The following FER variants were observed in gnomAD, a reference collection of about 807,000 sequenced individuals.
The protein encoded by FER is FER tyrosine kinase.
In FER, 63 loss-of-function variants were observed where a neutral mutation model predicts 111.0. The observed-to-expected ratio is 0.57, with a 90% CI of 0.46 to 0.70. The LOEUF (loss-of-function observed/expected upper bound fraction) is 0.70, where lower values mean the gene tolerates loss of function less well. Among genes scored for constraint, FER ranks in the 30% least tolerant of loss-of-function variants. FER has a pLI of 0.00. For missense variants in FER, 914 were observed against 954.0 expected (o/e 0.96, Z 0.55); for synonymous variants, 327 against 313.9 (o/e 1.04, Z -0.44).
intron 17 of FER, among the ~76,000 whole-genome samples, chr5:109,113,436 T>A (rs1283198852): frequency 6.6e-6 from 1 of 152,188 alleles, no homozygotes; most frequent in African/African-American, 2.4e-5. Context: ...TTATTTTATA[T>A]TACTGGATGA....
At chr5:109,113,846 C>A (rs1341886605) in intron 17 of FER, among the ~76,000 whole-genome samples, 1 of 151,808 alleles carries the variant, frequency 6.6e-6, no homozygotes. Flanking sequence ...AGTAAATTTC[C>A]CTAATTTGCT....
At chr5:108,785,708 T>G (rs568921028) in intron 2 of FER, among the ~76,000 whole-genome samples, 1 of 152,356 alleles carries the variant, frequency 6.6e-6, no homozygotes, top group African/African-American at 2.4e-5. Context: ...GTGTCTGGCT[T>G]CCTTGATATT....
intron 17 of FER, among the ~76,000 whole-genome samples, chr5:109,140,554 T>C (rs1476830510): frequency 6.6e-6 from 1 of 152,210 alleles, no homozygotes; most frequent in Non-Finnish European, 1.5e-5. Context: ...AAGCTATTAA[T>C]GACTTTTAAG....
At chr5:108,910,464 T>TA (rs1206636816) in intron 10 of FER, among the ~76,000 whole-genome samples, 8 of 151,748 alleles carry the variant, frequency 5.3e-5, no homozygotes, top group East Asian at 3.9e-4. Flanking sequence ...TTACTTTTTT[T>TA]AAAAAAAAGG....
At chr5:108,878,483 C>CTT (rs11374620) in intron 8 of FER, among the ~76,000 whole-genome samples, 1 of 151,702 alleles carries the variant, frequency 6.6e-6, no homozygotes, top group African/African-American at 2.4e-5. Flanking sequence ...GCATCATCTT[C>CTT]TTTTTTTTAA....
chr5:108,925,671 T>C (rs540808669), intron 10 of FER, among the ~76,000 whole-genome samples: 1 of 152,244 alleles, frequency 6.6e-6, no homozygotes, highest in African/African-American at 2.4e-5. Context: ...AAAGTTTATG[T>C]ATTTTCTTTA....
intron 17 of FER, among the ~76,000 whole-genome samples, chr5:109,147,780 CATATATAT>C (rs145167406): frequency 0.097 from 13,635 of 140,090 alleles, 692 homozygotes; most frequent in Non-Finnish European, 0.12. Context: ...CACACACATA[CATATATAT>C]ATATATATAT....
intron 10 of FER, among the ~76,000 whole-genome samples, chr5:108,935,143 A>T (rs1272726262): frequency 6.6e-6 from 1 of 152,080 alleles, no homozygotes; most frequent in Non-Finnish European, 1.5e-5. Context: ...TCCATAAAAA[A>T]TTACCACAAA....
At chr5:109,114,458 A>T (rs939662253) in intron 17 of FER, among the ~76,000 whole-genome samples, 2 of 152,052 alleles carry the variant, frequency 1.3e-5, no homozygotes, top group African/African-American at 4.8e-5. Context: ...GAAGCTATCT[A>T]TAATCATGCA....
chr5:109,115,083 GTTATC>G (rs1460041581), intron 17 of FER, among the ~76,000 whole-genome samples: 1 of 151,956 alleles, frequency 6.6e-6, no homozygotes, highest in African/African-American at 2.4e-5. Context: ...ATTCTTGACT[GTTATC>G]TTAGGAGATA....
intron 16 of FER, chr5:109,051,202 A>T: frequency 1.4e-6 from 1 of 732,350 alleles, no homozygotes; most frequent in Non-Finnish European, 2.4e-6. Context: ...CATGAATAAG[A>T]CTGTTGAATA....
intron 5 of FER, among the ~76,000 whole-genome samples, chr5:108,867,362 C>T (rs1359223936): frequency 1.3e-5 from 2 of 152,068 alleles, no homozygotes; most frequent in Non-Finnish European, 2.9e-5. Flanking sequence ...CTCTGACTAC[C>T]CTTGTCTTTG....
At chr5:109,123,463 T>A (rs1217841133) in intron 17 of FER, among the ~76,000 whole-genome samples, 1 of 151,754 alleles carries the variant, frequency 6.6e-6, no homozygotes, top group Non-Finnish European at 1.5e-5. Context: ...CCTTGTTTTT[T>A]TGTTGGTTTT....
At chr5:108,839,858 T>A (rs1010147596) in intron 5 of FER, among the ~76,000 whole-genome samples, 7 of 152,050 alleles carry the variant, frequency 4.6e-5, no homozygotes, top group African/African-American at 1.7e-4. Context: ...ATTACAGGCG[T>A]GAGCCACCGC....
chr5:108,885,922 C>T (rs1747077005), intron 9 of FER, among the ~76,000 whole-genome samples: 1 of 151,908 alleles, frequency 6.6e-6, no homozygotes, highest in African/African-American at 2.4e-5. Flanking sequence ...TAAAACATCA[C>T]CCATTGCACA....
At chr5:109,096,258 A>G (rs1747498468) in intron 16 of FER, among the ~76,000 whole-genome samples, 1 of 152,172 alleles carries the variant, frequency 6.6e-6, no homozygotes, top group East Asian at 1.9e-4. Context: ...AAACAATAAT[A>G]AACACTTCTA....
At chr5:108,784,081 C>G (rs1225305693) in intron 2 of FER, 1 of 153,962 alleles carries the variant, frequency 6.5e-6, no homozygotes, top group East Asian at 1.9e-4. Flanking sequence ...AAAGGGGAAT[C>G]TCGATTTGCC....
At chr5:109,127,897 T>C (rs1334749480) in intron 17 of FER, among the ~76,000 whole-genome samples, 2 of 152,176 alleles carry the variant, frequency 1.3e-5, no homozygotes, top group African/African-American at 4.8e-5. Context: ...TTTCATAATA[T>C]TGAAATTCTA....
chr5:108,842,801 G>A lies in FER; in HGVS notation c.481+6994G>A, dbSNP rs2150158010. ...CAGGGAACACTTCTACACGGCTGGTGGGAATGTAAAATAGTACAGCCACTA... is the reference window on the plus strand; with the variant it reads ...CAGGGAACACTTCTACACGGCTGGTAGGAATGTAAAATAGTACAGCCACTA... On this transcript the variant is annotated intron_variant, in intron 5 of 19. Coordinates refer to ENST00000281092, the MANE Select transcript of FER (RefSeq NM_005246.4). The A allele has an allele frequency of 2.6e-5, 4 of 152,306 alleles. 1 individual carries two copies. In the Middle Eastern group the frequency reaches 0.014, roughly 518 times the overall value. The allele number at this position is 152,306 out of a possible 1,614,324, so 9.4% of individuals were successfully genotyped here. A position where few individuals can be genotyped will look rare whatever the true frequency, so the allele number is the denominator to read the frequency against.
Sources: gnomAD v4.1 joint callset for allele counts (sites outside exome capture counted in the v4.1 genomes callset) on GRCh38, gnomAD v4.1.1 for gene constraint, MANE v1.5 for transcripts, NCBI Gene and HGNC (gene_info 2026-07-23, HGNC 2026-07-21) for gene names.